The following PRMT7 variants were observed in gnomAD, a reference collection of about 807,000 sequenced individuals.
PRMT7 encodes the protein protein arginine N-methyltransferase 7.
PRMT7 carries 75 observed loss-of-function variants against 85.4 expected under a neutral mutation model. That is an observed-to-expected ratio of 0.88 (90% CI 0.73 to 1.06). The LOEUF (loss-of-function observed/expected upper bound fraction) is 1.06. Ranked by LOEUF, PRMT7 falls within the 50% of genes least tolerant of loss-of-function variation. The pLI, the probability that PRMT7 is intolerant of heterozygous loss-of-function variation, is 0.00. For missense variants in PRMT7, 868 were observed against 915.2 expected (o/e 0.95, Z 0.67); for synonymous variants, 397 against 359.5 (o/e 1.10, Z -1.18).
chr16:68,312,610 G>A (rs113743234), intron 2 of PRMT7, among the ~76,000 whole-genome samples: 222 of 152,240 alleles, frequency 1.5e-3, no homozygotes, highest in African/African-American at 5.2e-3. Flanking sequence ...GCTTGGCATG[G>A]TGGTTTCTAT....
chr16:68,356,961 T>C, intron 18 of PRMT7, 93 bp from the exon 19 acceptor site: 2 of 1,447,746 alleles, frequency 1.4e-6, no homozygotes, highest in South Asian at 1.3e-5. Flanking sequence ...GAGCAGCTTC[T>C]CTCTGCTGCG....
Position 68,329,076 on chromosome 16 carries a change from C to A in PRMT7, c.293C>A (p.Pro98His). 1 of 1,608,944 alleles carries A rather than the reference C, an allele frequency of 6.2e-7. No individual in the cohort carries two copies. Among genetic ancestry groups the A allele is most frequent in the Non-Finnish European group, 8.5e-7 (1 of 1,175,428 alleles). The change falls in exon 6 of 19, where the codon CCT becomes CAT. Residue 98 changes from proline to histidine, a missense_variant. Coordinates refer to ENST00000441236, the MANE Select transcript of PRMT7 (RefSeq NM_019023.5). Reference protein sequence around the residue: ...DFCYAIEVFKPMADAAVKIVE... With the variant: ...DFCYAIEVFKHMADAAVKIVE... ...GGCTCTATTTTCTAGGTTTTCAAGC[C>A]TATGGCTGATGCTGCTGTGAAGATT...
intron 3 of PRMT7, among the ~76,000 whole-genome samples, chr16:68,321,051 T>C (rs994444154): frequency 6.6e-6 from 1 of 152,088 alleles, no homozygotes; most frequent in Non-Finnish European, 1.5e-5. Context: ...GGCGGATCAG[T>C]TGAGGTCAGG....
chr16:68,348,573 A>G lies in PRMT7; in HGVS notation c.1413+142A>G, dbSNP rs554795141. ...ACCTTACCTCCTACGAGCTCCCACC[A>G]TCAAGGGTGTGGTGAAGCTTTCATG... On this transcript the variant is annotated intron_variant, in intron 14 of 18. Transcript: ENST00000441236. 7 of 481,592 alleles carry G rather than the reference A, an allele frequency of 1.5e-5. No homozygotes were observed. In the South Asian group the frequency reaches 2.0e-4, roughly 13 times the overall value. 29.8% of individuals were successfully genotyped at this position (481,592 alleles called of 1,614,324 possible).
chr16:68,311,507 T>G (rs2043682931), intron 1 of PRMT7: 1 of 165,024 alleles, frequency 6.1e-6, no homozygotes, highest in Admixed American at 6.0e-5. Flanking sequence ...TGTAAAAGCG[T>G]AAGCCTAGTG....
chr16:68,353,579 A>T lies in PRMT7; in HGVS notation c.1650+13A>T. 1.3e-6 allele frequency: 2 copies of T among 1,570,632 alleles called. No individual in the cohort carries two copies. Among genetic ancestry groups the T allele is most frequent in the Non-Finnish European group, 1.7e-6 (2 of 1,157,524 alleles). On this transcript the variant is annotated intron_variant, in intron 16 of 18. Coordinates refer to ENST00000441236, the MANE Select transcript of PRMT7 (RefSeq NM_019023.5). Reference sequence around the variant, plus strand: ...CGACATGATTAAGGTAGGCAGGGCCACACTCTGCATAGTACCCCCGACCTG... The same window carrying T: ...CGACATGATTAAGGTAGGCAGGGCCTCACTCTGCATAGTACCCCCGACCTG...
chr16:68,345,916 CATA>C, intron 10 of PRMT7, 114 bp downstream of exon 10: 1 of 1,475,240 alleles, frequency 6.8e-7, no homozygotes, highest in Non-Finnish European at 9.2e-7. Context: ...GACAGAATAA[CATA>C]AGAACAAAGA....
chr16:68,353,396 T>C, intron 15 of PRMT7, 96 bp from the exon 16 acceptor site: 1 of 1,582,952 alleles, frequency 6.3e-7, no homozygotes, highest in Non-Finnish European at 8.5e-7. Context: ...CTCTTTCAGG[T>C]GTGCAGGGAA....
intron 3 of PRMT7, among the ~76,000 whole-genome samples, chr16:68,318,479 G>C (rs751051189): frequency 2.6e-5 from 4 of 152,168 alleles, no homozygotes; most frequent in Admixed American, 2.0e-4. Flanking sequence ...GATTACAGGC[G>C]TGAGCCACTG....
At chr16:68,336,159 GTCAGATTATAAT>G (rs1211775242) in intron 6 of PRMT7, among the ~76,000 whole-genome samples, 2 of 152,130 alleles carry the variant, frequency 1.3e-5, no homozygotes, top group Non-Finnish European at 2.9e-5. Flanking sequence ...AGTGGGCTTT[GTCAGATTATAAT>G]TCATGAGGCA....
At chr16:68,349,980 A>G (rs1056095286) in intron 14 of PRMT7, among the ~76,000 whole-genome samples, 2 of 152,236 alleles carry the variant, frequency 1.3e-5, no homozygotes, top group African/African-American at 4.8e-5. Context: ...CCCATGCCCC[A>G]GGCCTGGCAG....
intron 15 of PRMT7, 38 bp downstream of exon 15, chr16:68,352,447 G>T: frequency 6.4e-7 from 1 of 1,563,702 alleles, no homozygotes; most frequent in East Asian, 2.3e-5. Flanking sequence ...AAAAGCAGAG[G>T]AGGCGGGTGG....
intron 6 of PRMT7, among the ~76,000 whole-genome samples, chr16:68,333,285 C>G (rs908683435): frequency 8.6e-5 from 13 of 151,958 alleles, no homozygotes; most frequent in Non-Finnish European, 1.3e-4. Context: ...GGAGTAGCAA[C>G]CAGCCTGACC....
chr16:68,353,409 G>A (rs1202217747), intron 15 of PRMT7, 83 bp from the exon 16 acceptor site: 5 of 1,598,164 alleles, frequency 3.1e-6, no homozygotes, highest in Non-Finnish European at 4.3e-6. Flanking sequence ...GCAGGGAACA[G>A]CAAGATGTGC....
chr16:68,330,543 AT>A (rs985350137), intron 6 of PRMT7, among the ~76,000 whole-genome samples: 1 of 150,994 alleles, frequency 6.6e-6, no homozygotes. Flanking sequence ...CCATTTAACA[AT>A]TTTTTTTTAA....
chr16:68,350,119 C>A (rs766540888), intron 14 of PRMT7, among the ~76,000 whole-genome samples: 3 of 152,200 alleles, frequency 2.0e-5, no homozygotes, highest in African/African-American at 7.2e-5. Context: ...TCACCCATTT[C>A]GTTCTTTTGA....
At chr16:68,328,047 A>G (rs899217498) in intron 5 of PRMT7, 17 of 198,862 alleles carry the variant, frequency 8.5e-5, no homozygotes, top group South Asian at 5.3e-4. Context: ...TTGTTAATTT[A>G]TAAATTATTA....
intron 6 of PRMT7, among the ~76,000 whole-genome samples, chr16:68,336,069 G>A (rs1423587863): frequency 6.6e-6 from 1 of 152,084 alleles, no homozygotes; most frequent in African/African-American, 2.4e-5. Context: ...GAGCCACCGC[G>A]CCCGGCCCCT....
intron 6 of PRMT7, among the ~76,000 whole-genome samples, chr16:68,331,409 A>G (rs2151601000): frequency 6.6e-6 from 1 of 150,924 alleles, no homozygotes; most frequent in Non-Finnish European, 1.5e-5. Flanking sequence ...TTTCTTTTGC[A>G]GCATCTAATA....
Sources: gnomAD v4.1 joint callset for allele counts (sites outside exome capture counted in the v4.1 genomes callset) on GRCh38, gnomAD v4.1.1 for gene constraint, MANE v1.5 for transcripts, NCBI Gene and HGNC (gene_info 2026-07-23, HGNC 2026-07-21) for gene names.